SDC2: variants seen among roughly 807,000 people sequenced by gnomAD.
SDC2 encodes the protein syndecan 2, also known as syndecan-2.
A neutral mutation model predicts 22.2 loss-of-function variants in SDC2; 13 were observed. That is an observed-to-expected ratio of 0.59 (90% confidence interval 0.38 to 0.93). SDC2 has a LOEUF of 0.93. Ranked by LOEUF, SDC2 falls within the 40% of genes least tolerant of loss-of-function variation. The probability of loss-of-function intolerance (pLI) is 0.00; values close to 1 mark genes in which losing one functional copy is unlikely to be tolerated. For missense variants in SDC2, 235 were observed against 246.8 expected, an observed-to-expected ratio of 0.95 and a Z score of 0.32; for synonymous variants, 94 against 92.8, an observed-to-expected ratio of 1.01 and a Z score of -0.07.
chr8:96,523,281 C>T (rs180871367), intron 1 of SDC2, among the ~76,000 whole-genome samples: 8 of 152,232 alleles, frequency 5.3e-5, no homozygotes, highest in African/African-American at 1.9e-4. Context: ...TAAGCTAAAC[C>T]ACGAAGTTAA....
chr8:96,538,214 C>G (rs976363860), intron 1 of SDC2, among the ~76,000 whole-genome samples: 2 of 152,154 alleles, frequency 1.3e-5, no homozygotes, highest in African/African-American at 4.8e-5. Context: ...CCCTCCTTAG[C>G]CTCCCAAAGT....
Position 96,609,892 on chromosome 8 carries a change from C to G in SDC2, c.*344C>G, listed in dbSNP as rs964743612. Reference sequence around the variant, plus strand: ...AGCTGTTTCATTTGTGTCAGCATGTCTCAGATTGACCTTACCAAGTTGGTC... The same window carrying G: ...AGCTGTTTCATTTGTGTCAGCATGTGTCAGATTGACCTTACCAAGTTGGTC... On this transcript the variant is annotated 3_prime_UTR_variant, in exon 5 of 5. Transcript: ENST00000302190. 1 of 166,146 alleles carries G rather than the reference C, an allele frequency of 6.0e-6. No homozygotes were observed. The highest frequency in any genetic ancestry group is 1.3e-5 in the Non-Finnish European group (1 of 77,456). The allele number at this position is 166,146 out of a possible 1,614,324, so 10.3% of individuals were successfully genotyped here. A position where few individuals can be genotyped will look rare whatever the true frequency, so the allele number is the denominator to read the frequency against.
chr8:96,529,612 C>G (rs1813628921), intron 1 of SDC2, among the ~76,000 whole-genome samples: 1 of 152,164 alleles, frequency 6.6e-6, no homozygotes. Context: ...TGCTTACTTT[C>G]AAGGCTGGTT....
chr8:96,522,420 C>T (rs943371813), intron 1 of SDC2, among the ~76,000 whole-genome samples: 19 of 151,350 alleles, frequency 1.3e-4, no homozygotes, highest in Non-Finnish European at 2.8e-4. Context: ...CAGAAGGGAA[C>T]GCCGTGTATT....
intron 1 of SDC2, among the ~76,000 whole-genome samples, chr8:96,578,154 G>A (rs920939079): frequency 6.6e-6 from 1 of 152,226 alleles, no homozygotes; most frequent in African/African-American, 2.4e-5. Context: ...ACTGACTTCT[G>A]TTAATGTACA....
At chr8:96,587,408 C>T (rs772627105) in intron 1 of SDC2, among the ~76,000 whole-genome samples, 1 of 152,162 alleles carries the variant, frequency 6.6e-6, no homozygotes, top group Admixed American at 6.5e-5. Context: ...AAAGTAAGTG[C>T]TAGTAAAGAC....
intron 4 of SDC2, among the ~76,000 whole-genome samples, chr8:96,609,114 A>G (rs1263790096): frequency 6.6e-6 from 1 of 152,232 alleles, no homozygotes; most frequent in Non-Finnish European, 1.5e-5. Flanking sequence ...GTAGTTTTCA[A>G]GTATGGAATT....
chr8:96,496,510 G>T (rs1813077268), intron 1 of SDC2, among the ~76,000 whole-genome samples: 3 of 152,142 alleles, frequency 2.0e-5, no homozygotes, highest in Admixed American at 6.5e-5. Context: ...GCCCAGAATG[G>T]CTAACAGTCC....
At chr8:96,542,250 C>T (rs1813862693) in intron 1 of SDC2, among the ~76,000 whole-genome samples, 2 of 152,208 alleles carry the variant, frequency 1.3e-5, no homozygotes, top group South Asian at 4.1e-4. Flanking sequence ...TGCTCCTCCT[C>T]CTTGGTCTGC....
At chr8:96,554,240 A>G (rs1009137201) in intron 1 of SDC2, among the ~76,000 whole-genome samples, 5 of 152,228 alleles carry the variant, frequency 3.3e-5, no homozygotes, top group Non-Finnish European at 4.4e-5. Context: ...CTTAAAATAT[A>G]AGATTCTGGT....
intron 1 of SDC2, among the ~76,000 whole-genome samples, chr8:96,528,295 ACT>A (rs1048943972): frequency 8.5e-5 from 13 of 152,122 alleles, no homozygotes; most frequent in African/African-American, 3.1e-4. Context: ...AAAGCCAAAA[ACT>A]CTAAGTGATT....
At chr8:96,580,061 A>G (rs537839747) in intron 1 of SDC2, among the ~76,000 whole-genome samples, 29 of 152,378 alleles carry the variant, frequency 1.9e-4, no homozygotes, top group Admixed American at 3.9e-4. Flanking sequence ...TATTAAAAAC[A>G]TCATTCTTTG....
chr8:96,518,935 T>C (rs1437928492), intron 1 of SDC2, among the ~76,000 whole-genome samples: 1 of 152,200 alleles, frequency 6.6e-6, no homozygotes, highest in Non-Finnish European at 1.5e-5. Flanking sequence ...AGTGTGCATG[T>C]CTGTCTTGTC....
At chr8:96,569,555 T>C (rs1222909222) in intron 1 of SDC2, among the ~76,000 whole-genome samples, 1 of 152,158 alleles carries the variant, frequency 6.6e-6, no homozygotes, top group Admixed American at 6.5e-5. Flanking sequence ...TACTTAAATA[T>C]TTGCTAAATG....
At chr8:96,546,825 A>G (rs1161434684) in intron 1 of SDC2, among the ~76,000 whole-genome samples, 1 of 152,170 alleles carries the variant, frequency 6.6e-6, no homozygotes, top group Non-Finnish European at 1.5e-5. Flanking sequence ...AACGGTTAGC[A>G]CTCTAACCAT....
At chr8:96,587,034 T>G (rs1814698647) in intron 1 of SDC2, among the ~76,000 whole-genome samples, 2 of 152,198 alleles carry the variant, frequency 1.3e-5, no homozygotes, top group Admixed American at 6.5e-5. Flanking sequence ...GCGATTCTCC[T>G]GCCTCGGCCT....
intron 1 of SDC2, among the ~76,000 whole-genome samples, chr8:96,553,758 A>AT (rs1814064724): frequency 7.3e-6 from 1 of 136,254 alleles, no homozygotes; most frequent in Non-Finnish European, 1.7e-5. Context: ...TTTATTTACG[A>AT]TTTTTATTTA....
At chr8:96,591,528 C>G (rs1170101294) in intron 1 of SDC2, among the ~76,000 whole-genome samples, 1 of 152,036 alleles carries the variant, frequency 6.6e-6, no homozygotes, top group African/African-American at 2.4e-5. Context: ...TCAAAACATG[C>G]CTTCAATGAG....
In SDC2 at chr8:96,609,875, C is replaced by G. The variant is rs1358901705; in HGVS notation, c.*327C>G. 1 of 174,146 alleles carries G rather than the reference C, an allele frequency of 5.7e-6. No individual in the cohort carries two copies. 10.8% of individuals were successfully genotyped at this position (174,146 alleles called of 1,614,324 possible). ...TATGACTCAAAGATGAAAGCTGTTT[C>G]ATTTGTGTCAGCATGTCTCAGATTG... On this transcript the variant is annotated 3_prime_UTR_variant, in exon 5 of 5. Coordinates refer to ENST00000302190, the MANE Select transcript of SDC2 (RefSeq NM_002998.4).
Sources: gnomAD v4.1 joint callset for allele counts (sites outside exome capture counted in the v4.1 genomes callset) on GRCh38, gnomAD v4.1.1 for gene constraint, MANE v1.5 for transcripts, NCBI Gene and HGNC (gene_info 2026-07-23, HGNC 2026-07-21) for gene names.